Variants in DNAH3 observed in about 807,000 individuals in gnomAD.
DNAH3 encodes axonemal beta dynein heavy chain 3.
Under a neutral mutation model 432.5 loss-of-function variants are expected in DNAH3, and 332 were observed. The observed-to-expected ratio is 0.77, with a 90% CI of 0.70 to 0.84. DNAH3 has a LOEUF of 0.84. Ranked by LOEUF, DNAH3 falls within the 40% of genes least tolerant of loss-of-function variation. DNAH3 has a pLI of 0.00. For synonymous variants in DNAH3, 1,956 were observed against 1,900.2 expected (o/e 1.03, Z -0.76); for missense variants, 4,861 against 5,114.0 (o/e 0.95, Z 1.51).
In DNAH3 at chr16:21,147,123, A is replaced by G. The variant is rs367932346; in HGVS notation, c.118-1035T>C. ...GATTCCCTTCTATGAGCAAATTTGA[A>G]TATTTTTCCCCCGTGGAAGAGCCCA... is the stretch of plus-strand genomic sequence containing the variant. On this transcript the variant is annotated intron_variant, in intron 1 of 61. Transcript: ENST00000261383. Among the ~76,000 whole-genome samples, 21 of 152,052 alleles carry G rather than the reference A, an allele frequency of 1.4e-4. 1 individual carries two copies. In the South Asian group the frequency reaches 3.9e-3, roughly 29 times the overall value.
chr16:21,088,184 C>A (rs924770022), intron 18 of DNAH3, among the ~76,000 whole-genome samples: 1 of 151,894 alleles, frequency 6.6e-6, no homozygotes, highest in African/African-American at 2.4e-5. Context: ...ATTTTTGTTG[C>A]GTGATTAAAA....
At chr16:21,097,666 T>C (rs2091724236) in intron 17 of DNAH3, among the ~76,000 whole-genome samples, 167 bp from the exon 18 acceptor site, 1 of 152,192 alleles carries the variant, frequency 6.6e-6, no homozygotes, top group Non-Finnish European at 1.5e-5. Flanking sequence ...AGAATGTCCC[T>C]CTGCCACCTC....
intron 28 of DNAH3, among the ~76,000 whole-genome samples, chr16:21,053,411 T>C (rs2152745230): frequency 6.6e-6 from 1 of 152,094 alleles, no homozygotes; most frequent in South Asian, 2.1e-4. Flanking sequence ...AGGGTTTGAG[T>C]TGGGGATGCC....
chr16:21,135,631 G>C (rs1046006578), intron 6 of DNAH3, among the ~76,000 whole-genome samples: 2 of 152,076 alleles, frequency 1.3e-5, no homozygotes, highest in African/African-American at 4.8e-5. Flanking sequence ...GGTCCGCCCA[G>C]GTAGGTCTTG....
At chr16:20,933,335 G>A (rs771291493) in exon 62 of DNAH3, 1 of 1,614,126 alleles carries the variant, frequency 6.2e-7, no homozygotes, top group South Asian at 1.1e-5. Flanking sequence ...CAGAAACATT[G>A]CGCTCTCCCC....
At chr16:21,113,944 G>A (rs2092129682) in intron 12 of DNAH3, among the ~76,000 whole-genome samples, 1 of 152,146 alleles carries the variant, frequency 6.6e-6, no homozygotes, top group African/African-American at 2.4e-5. Flanking sequence ...GTGAATGCCT[G>A]AAACCGCAGA....
intron 57 of DNAH3, among the ~76,000 whole-genome samples, chr16:20,945,782 G>A (rs547424240): frequency 5.9e-5 from 9 of 152,228 alleles, no homozygotes; most frequent in Admixed American, 2.0e-4. Flanking sequence ...GAGCCACTGC[G>A]CCCGGCCTCC....
intron 51 of DNAH3, 41 bp downstream of exon 51, chr16:20,975,192 C>T (rs779049613): frequency 1.0e-5 from 16 of 1,604,866 alleles, no homozygotes; most frequent in African/African-American, 2.7e-5. Context: ...CACGCTCATT[C>T]GGCAGCACCA....
rs147097065 is a variant in DNAH3 at position 20,948,263 on chromosome 16, A to G, written c.11343+220T>C. 3.0e-3 allele frequency among the ~76,000 whole-genome samples: 457 copies of G among 151,670 alleles called. 2 individuals are homozygous for G. Among genetic ancestry groups the G allele is most frequent in the Middle Eastern group, 0.02 (6 of 294 alleles). On this transcript the variant is annotated intron_variant, in intron 57 of 61. Coordinates refer to ENST00000261383, the Ensembl canonical transcript of DNAH3. Reference sequence around the variant, plus strand: ...TCCTTCCTCCACCCAGATGGATCCTATATTTTGAAACACCTTGTCTACCAA... The same window carrying G: ...TCCTTCCTCCACCCAGATGGATCCTGTATTTTGAAACACCTTGTCTACCAA...
chr16:21,036,337 AAC>A (rs1359390063), intron 35 of DNAH3, among the ~76,000 whole-genome samples: 1 of 152,128 alleles, frequency 6.6e-6, no homozygotes, highest in African/African-American at 2.4e-5. Context: ...AAAACAAACA[AAC>A]AAACAAACAA....
At chr16:21,117,306 A>G (rs762660277) in exon 12 of DNAH3, 2 of 1,609,646 alleles carry the variant, frequency 1.2e-6, no homozygotes, top group South Asian at 1.1e-5. Context: ...AGCAGATTAT[A>G]TCCTTTCAGC....
At chr16:21,145,372 A>C in exon 3 of DNAH3, 1 of 1,614,200 alleles carries the variant, frequency 6.2e-7, no homozygotes, top group Non-Finnish European at 8.5e-7. Context: ...CGTGCGTTGC[A>C]TCAAGGGCGG....
At position 20,959,178 on chromosome 16, in the gene DNAH3, C is replaced by T; in HGVS notation, c.10826+1G>A. On this transcript the variant is annotated splice_donor_variant, in intron 54 of 61. Coordinates refer to ENST00000261383, the Ensembl canonical transcript of DNAH3. LOFTEE classifies it high-confidence loss of function. Reference sequence around the variant, plus strand: ...AAGGCAGTGGTGGGACAGCATCTCACCTGAATCTGGCATTGGTGCTCTCAG... The same window carrying T: ...AAGGCAGTGGTGGGACAGCATCTCATCTGAATCTGGCATTGGTGCTCTCAG... 1 of 1,614,102 alleles carries T rather than the reference C, an allele frequency of 6.2e-7. No homozygotes were observed.
At position 21,125,168 on chromosome 16, in the gene DNAH3, G is replaced by C. The variant is rs2092421669; in HGVS notation, c.1404+7C>G. ...TCAAAAGGTCCAAATGCAGGTCCCT[G>C]ACTTACTTTGTGTATCATGAAAAGG... On this transcript the variant is annotated splice_region_variant and intron_variant, in intron 9 of 61. Coordinates refer to ENST00000261383, the Ensembl canonical transcript of DNAH3. 1.3e-6 allele frequency: 2 copies of C among 1,592,082 alleles called. No homozygotes were observed. Among genetic ancestry groups the C allele is most frequent in the Admixed American group, 1.7e-5 (1 of 58,066 alleles).
Position 20,985,338 on chromosome 16 carries a change from G to A in DNAH3, c.7404C>T (p.Asp2468=), listed in dbSNP as rs763218814. Residue 2468 remains aspartate, a synonymous_variant, in exon 48 of 62, where the codon GAC becomes GAT. Coordinates refer to ENST00000261383, the Ensembl canonical transcript of DNAH3. ...TGATCTTCTTAAGATCTTCTCGCCA[G>A]TCATTGCCTGCGTAGTTCTTGGTGA... is the stretch of plus-strand genomic sequence containing the variant. The A allele has an allele frequency of 7.4e-6, 12 of 1,614,098 alleles. No individual in the cohort carries two copies. In the East Asian group the frequency reaches 2.0e-4, roughly 27 times the overall value.
chr16:21,062,774 A>G, intron 24 of DNAH3, 91 bp from the exon 25 acceptor site: 1 of 918,194 alleles, frequency 1.1e-6, no homozygotes, highest in Non-Finnish European at 1.6e-6. Context: ...GTCCGCACCT[A>G]CGTGAATACC....
exon 55 of DNAH3, chr16:20,954,897 T>G (rs1455027555): frequency 6.2e-7 from 1 of 1,614,166 alleles, no homozygotes; most frequent in Non-Finnish European, 8.5e-7. Flanking sequence ...ATCACCGCCT[T>G]TGCACAGCTT....
chr16:20,950,053 G>C (rs1301856092), intron 56 of DNAH3, among the ~76,000 whole-genome samples: 1 of 152,088 alleles, frequency 6.6e-6, no homozygotes, highest in Non-Finnish European at 1.5e-5. Flanking sequence ...TTGCTGTTTT[G>C]CCCAGGCTGG....
At chr16:21,141,259 C>T in intron 4 of DNAH3, 41 bp downstream of exon 5, 2 of 1,421,228 alleles carry the variant, frequency 1.4e-6, no homozygotes, top group Non-Finnish European at 2.0e-6. Flanking sequence ...TCTGTTCAGC[C>T]CACCGTCCTG....
Sources: gnomAD v4.1 joint callset for allele counts (sites outside exome capture counted in the v4.1 genomes callset) on GRCh38, gnomAD v4.1.1 for gene constraint, MANE v1.5 for transcripts, NCBI Gene and HGNC (gene_info 2026-07-23, HGNC 2026-07-21) for gene names.